The following DIXDC1 variants were observed in gnomAD, a reference collection of about 807,000 sequenced individuals.
The protein encoded by DIXDC1 is dixin.
In DIXDC1, 64 loss-of-function variants were observed where a neutral mutation model predicts 103.1. That is an observed-to-expected ratio of 0.62 (90% CI 0.51 to 0.76). The LOEUF (loss-of-function observed/expected upper bound fraction) is 0.76. Among genes scored for constraint, DIXDC1 ranks in the 30% least tolerant of loss-of-function variants. The probability of loss-of-function intolerance (pLI) is 0.00; values close to 1 mark genes in which losing one functional copy is unlikely to be tolerated. For synonymous variants in DIXDC1, 266 were observed against 298.5 expected, an observed-to-expected ratio of 0.89 and a Z score of 1.12; for missense variants, 759 against 834.2, an observed-to-expected ratio of 0.91 and a Z score of 1.11.
intron 14 of DIXDC1, among the ~76,000 whole-genome samples, chr11:111,994,571 G>T (rs1555175070): frequency 1.3e-5 from 2 of 150,720 alleles, no homozygotes; most frequent in African/African-American, 4.9e-5. Context: ...GTATATGTAT[G>T]TATGTATGTG....
At position 111,958,091 on chromosome 11, in the gene DIXDC1, A is replaced by C. The variant is rs1859447615; in HGVS notation, c.61-6458A>C. Among the ~76,000 whole-genome samples the C allele has an allele frequency of 6.6e-6, 1 of 152,082 alleles. No homozygotes were observed. Among genetic ancestry groups the C allele is most frequent in the Non-Finnish European group, 1.5e-5 (1 of 67,970 alleles). On this transcript the variant is annotated intron_variant, in intron 1 of 19. Coordinates refer to ENST00000440460, the MANE Select transcript of DIXDC1 (RefSeq NM_001037954.4). This position sits in a 1 kb window ranked among gnomAD's most constrained non-coding sequence, Gnocchi z 4.2. Reference sequence around the variant, plus strand: ...GTGCTCTTGGGGGCCAGGAGCAGGCAGGAGCCCCACCCTCCTGGGCGCAGC... The same window carrying C: ...GTGCTCTTGGGGGCCAGGAGCAGGCCGGAGCCCCACCCTCCTGGGCGCAGC...
chr11:111,999,185 T>A (rs372789503), intron 17 of DIXDC1, among the ~76,000 whole-genome samples: 1 of 152,366 alleles, frequency 6.6e-6, no homozygotes, highest in African/African-American at 2.4e-5. Context: ...TCTCTTTCAA[T>A]ATAATTAAAT....
intron 17 of DIXDC1, among the ~76,000 whole-genome samples, chr11:112,010,076 A>C (rs1010834138): frequency 1.9e-5 from 2 of 107,734 alleles, no homozygotes. Context: ...ATCTCAGCCC[A>C]AAATCTCAAG....
chr11:111,992,308 C>A, intron 10 of DIXDC1, 107 bp from the exon 11 acceptor site: 1 of 987,804 alleles, frequency 1.0e-6, no homozygotes, highest in Non-Finnish European at 1.5e-6. Context: ...GTCTTCCAGT[C>A]TGCCATAACG....
chr11:111,933,320 G>T (rs1187459326), upstream of DIXDC1, among the ~76,000 whole-genome samples: 1 of 152,142 alleles, frequency 6.6e-6, no homozygotes. Context: ...TAGGGAGGGG[G>T]TTTCTCCATG....
chr11:112,019,136 T>C lies in DIXDC1; in HGVS notation c.*100T>C. 2 of 1,001,170 alleles carry C rather than the reference T, an allele frequency of 2.0e-6. No individual in the cohort carries two copies. The highest frequency in any genetic ancestry group is 3.2e-5 in the South Asian group (2 of 62,894). The allele number at this position is 1,001,170 out of a possible 1,614,324, so 62.0% of individuals were successfully genotyped here. A position where few individuals can be genotyped will look rare whatever the true frequency, so the allele number is the denominator to read the frequency against. On this transcript the variant is annotated 3_prime_UTR_variant, in exon 20 of 20. Transcript: ENST00000440460. ...CCAGAATACACTAAGAAGTTTCTAG[T>C]TTGTGTGCCAAAACAGAAGCTTCTC...
chr11:111,988,912 A>G, intron 9 of DIXDC1, 93 bp from the exon 10 acceptor site: 2 of 1,091,846 alleles, frequency 1.8e-6, no homozygotes, highest in Non-Finnish European at 2.7e-6. Context: ...CGGAATGATC[A>G]ACTGGGTTTT....
intron 12 of DIXDC1, among the ~76,000 whole-genome samples, chr11:111,993,229 C>G (rs1555174759): frequency 6.6e-6 from 1 of 152,160 alleles, no homozygotes; most frequent in Non-Finnish European, 1.5e-5. Flanking sequence ...CTAGAAACTT[C>G]AGTTCTAGTC....
At chr11:111,955,570 C>T (rs1024813372) in intron 1 of DIXDC1, among the ~76,000 whole-genome samples, 4 of 151,792 alleles carry the variant, frequency 2.6e-5, no homozygotes, top group African/African-American at 4.8e-5. Flanking sequence ...TGCGGTGGCT[C>T]ATGCCTGTAA....
In DIXDC1 at chr11:111,937,569, C is replaced by G. The variant is rs2137434572; in HGVS notation, c.60+10C>G. The G allele has an allele frequency of 6.3e-7, 1 of 1,583,870 alleles. No homozygotes were observed. Among genetic ancestry groups the G allele is most frequent in the African/African-American group, 1.3e-5 (1 of 74,276 alleles). ...GGAGGGCTTCAATGAGGTAACTGTC[C>G]TGCTCCTCCCACTCCTCAGCTCCCC... is the stretch of plus-strand genomic sequence containing the variant. On this transcript the variant is annotated intron_variant, in intron 1 of 19. Transcript: ENST00000440460.
At chr11:111,996,177 C>T (rs782077465) in intron 17 of DIXDC1, 31 bp downstream of exon 17, 1 of 1,588,214 alleles carries the variant, frequency 6.3e-7, no homozygotes, top group Admixed American at 1.8e-5. Context: ...AGTAGGGACT[C>T]CTAGCATATT....
intron 17 of DIXDC1, 54 bp from the exon 18 acceptor site, chr11:112,016,637 A>G: frequency 6.9e-7 from 1 of 1,450,716 alleles, no homozygotes; most frequent in South Asian, 1.3e-5. Flanking sequence ...ATAACTGCAG[A>G]TGGCTGGTTT....
intron 17 of DIXDC1, among the ~76,000 whole-genome samples, chr11:111,999,146 GT>G (rs1200270666): frequency 6.6e-6 from 1 of 152,154 alleles, no homozygotes. Flanking sequence ...CAAGGCAAAT[GT>G]TTCTCATTCC....
Position 112,016,511 on chromosome 11 carries a change from G to A in DIXDC1, c.1757-180G>A, listed in dbSNP as rs782527361. On this transcript the variant is annotated intron_variant, in intron 17 of 19. Transcript: ENST00000440460. ...CCTCGCGATCGTGTCCATGTCTGAAGCAAGTCTTGTCCTCGTGGTCCTAGG... is the reference window on the plus strand; with the variant it reads ...CCTCGCGATCGTGTCCATGTCTGAAACAAGTCTTGTCCTCGTGGTCCTAGG... 4.5e-4 allele frequency among the ~76,000 whole-genome samples: 68 copies of A among 152,256 alleles called. 1 individual carries two copies. The highest frequency in any genetic ancestry group is 7.5e-4 in the Non-Finnish European group (51 of 68,024).
At chr11:111,996,702 T>C (rs923285582) in intron 17 of DIXDC1, among the ~76,000 whole-genome samples, 2 of 151,816 alleles carry the variant, frequency 1.3e-5, no homozygotes, top group Admixed American at 1.3e-4. Flanking sequence ...ATACAAAAAT[T>C]AGCCAGGTGT....
At chr11:112,002,769 C>T (rs1555176148) in intron 17 of DIXDC1, among the ~76,000 whole-genome samples, 1 of 152,146 alleles carries the variant, frequency 6.6e-6, no homozygotes, top group African/African-American at 2.4e-5. Context: ...GAGTGAGATC[C>T]TGTCTCAAAA....
chr11:112,010,234 T>A (rs1555177082), intron 17 of DIXDC1, among the ~76,000 whole-genome samples: 1 of 152,020 alleles, frequency 6.6e-6, no homozygotes, highest in Non-Finnish European at 1.5e-5. Flanking sequence ...TACCTAGGAA[T>A]CCAACTTACA....
In DIXDC1 at chr11:111,998,429, T is replaced by C. The variant is rs60894038; in HGVS notation, c.1756+2283T>C. 0.084 allele frequency among the ~76,000 whole-genome samples: 12,760 copies of C among 152,266 alleles called. 1,602 individuals are homozygous for C. The highest frequency in any genetic ancestry group is 0.27 in the African/African-American group (11,143 of 41,494). On this transcript the variant is annotated intron_variant, in intron 17 of 19. Coordinates refer to ENST00000440460, the MANE Select transcript of DIXDC1 (RefSeq NM_001037954.4). This position sits in a 1 kb window ranked among gnomAD's most constrained non-coding sequence, Gnocchi z 4.1. ...AACCTAAGCCTTTTCATATTGTCTTTGGCGTCAGGTGACCTCTTCCACTCC... is the reference window on the plus strand; with the variant it reads ...AACCTAAGCCTTTTCATATTGTCTTCGGCGTCAGGTGACCTCTTCCACTCC...
intron 17 of DIXDC1, among the ~76,000 whole-genome samples, chr11:112,006,737 AACGAAC>A (rs1861250742): frequency 6.6e-6 from 1 of 152,234 alleles, no homozygotes; most frequent in Non-Finnish European, 1.5e-5. Context: ...AAGGAAAACT[AACGAAC>A]AGAAAGGAAT....
Sources: gnomAD v4.1 joint callset for allele counts (sites outside exome capture counted in the v4.1 genomes callset) on GRCh38, gnomAD v4.1.1 for gene constraint, Gnocchi (gnomAD v3.1) non-coding constraint, MANE v1.5 for transcripts, NCBI Gene and HGNC (gene_info 2026-07-23, HGNC 2026-07-21) for gene names.